The following FYB1 variants were observed in gnomAD, a reference collection of about 807,000 sequenced individuals.
The protein encoded by FYB1 is FYN binding protein 1, also known as FYN-binding protein 1.
Under a neutral mutation model 94.1 loss-of-function variants are expected in FYB1, and 41 were observed. The ratio of observed to expected loss-of-function variants is 0.44; its 90% CI spans 0.34 to 0.57. FYB1 has a LOEUF of 0.57. Among genes scored for constraint, FYB1 ranks in the 20% least tolerant of loss-of-function variants. The probability of loss-of-function intolerance (pLI) is 0.02; values close to 1 mark genes in which losing one functional copy is unlikely to be tolerated. For missense variants in FYB1, 1,050 were observed against 976.8 expected, an observed-to-expected ratio of 1.07 and a Z score of -1.00; for synonymous variants, 367 against 353.2, an observed-to-expected ratio of 1.04 and a Z score of -0.44.
chr5:39,174,502 A>C (rs1302549842), intron 2 of FYB1, among the ~76,000 whole-genome samples: 1 of 152,230 alleles, frequency 6.6e-6, no homozygotes, highest in Non-Finnish European at 1.5e-5. Flanking sequence ...TAACACATGG[A>C]ATAAGAATAT....
rs759899642 is a variant in FYB1, at chr5:39,126,061, TC to T, written c.1981del (p.Asp661ThrfsTer52). 3 of 1,613,570 alleles carry T rather than the reference TC, an allele frequency of 1.9e-6. No homozygotes were observed. Among genetic ancestry groups the T allele is most frequent in the Non-Finnish European group, 2.5e-6 (3 of 1,179,638 alleles). ...GILKMLKGKD[D>X]RKKSIREKPK... The stretch of plus-strand genomic sequence containing the variant: ...TTTCTCTCGTATACTTTTCTTTCTG[TC>T]ATCTTTTCCCTTTAACATCTTCAAA... On this transcript the variant is annotated frameshift_variant, in exon 12 of 19. Transcript: ENST00000512982. LOFTEE classifies it high-confidence loss of function.
intron 11 of FYB1, among the ~76,000 whole-genome samples, chr5:39,126,578 T>C (rs1341505824): frequency 6.6e-6 from 1 of 151,064 alleles, no homozygotes; most frequent in Non-Finnish European, 1.5e-5. Context: ...ACACCTGTGG[T>C]CCCAGCTGCT....
At chr5:39,191,871 A>G (rs1490513529) in intron 2 of FYB1, among the ~76,000 whole-genome samples, 1 of 152,224 alleles carries the variant, frequency 6.6e-6, no homozygotes, top group East Asian at 1.9e-4. Context: ...CTCATGAGGC[A>G]TAATTTTGTT....
intron 1 of FYB1, among the ~76,000 whole-genome samples, chr5:39,265,543 G>A (rs1752399256): frequency 6.6e-6 from 1 of 151,564 alleles, no homozygotes. Context: ...TGTAATCCCA[G>A]CTACTTAGGA....
At chr5:39,192,684 T>C (rs1747466896) in intron 2 of FYB1, among the ~76,000 whole-genome samples, 1 of 152,110 alleles carries the variant, frequency 6.6e-6, no homozygotes, top group Admixed American at 6.5e-5. Context: ...TAAAGCAGGG[T>C]GAGGATAACT....
chr5:39,219,464 G>T lies in FYB1; in HGVS notation c.-49C>A, dbSNP rs935498754. On this transcript the variant is annotated 5_prime_UTR_variant, in exon 1 of 19. Coordinates refer to ENST00000512982, the MANE Select transcript of FYB1 (RefSeq NM_001465.6). ...TTACCTGACTCCTGCAGAAGAAGGC[G>T]GAAGGATGGCCTCCTTTAGTGGATC... 2 of 985,408 alleles carry T rather than the reference G, an allele frequency of 2.0e-6. No individual in the cohort carries two copies. The highest frequency in any genetic ancestry group is 2.4e-6 in the Non-Finnish European group (2 of 829,958). The allele number at this position is 985,408 out of a possible 1,614,324, so 61.0% of individuals were successfully genotyped here. A position where few individuals can be genotyped will look rare whatever the true frequency, so the allele number is the denominator to read the frequency against.
intron 8 of FYB1, 86 bp downstream of exon 8, chr5:39,134,769 C>A: frequency 1.4e-6 from 2 of 1,409,074 alleles, no homozygotes; most frequent in Non-Finnish European, 2.0e-6. Context: ...TAACTCGATG[C>A]CTATGACGAG....
chr5:39,243,834 T>A (rs1334906523), intron 1 of FYB1, among the ~76,000 whole-genome samples: 2 of 152,172 alleles, frequency 1.3e-5, no homozygotes, highest in Non-Finnish European at 2.9e-5. Context: ...TGGTTTGTAG[T>A]TCTCCTTGAA....
chr5:39,133,210 C>CAA (rs1741359667), intron 9 of FYB1, among the ~76,000 whole-genome samples: 1 of 152,088 alleles, frequency 6.6e-6, no homozygotes, highest in Admixed American at 6.6e-5. Context: ...AGATTGTTTC[C>CAA]TTTGAAATTT....
At chr5:39,198,654 AGGCT>A (rs1748037508) in intron 2 of FYB1, among the ~76,000 whole-genome samples, 1 of 152,168 alleles carries the variant, frequency 6.6e-6, no homozygotes, top group South Asian at 2.1e-4. Flanking sequence ...ATTATAAAAT[AGGCT>A]TTGTGTGAGA....
At chr5:39,148,155 T>TTATATATATATATA (rs10528848) in intron 3 of FYB1, among the ~76,000 whole-genome samples, 19 of 37,638 alleles carry the variant, frequency 5.0e-4, no homozygotes, top group East Asian at 1.6e-3. Flanking sequence ...TATGTATTTT[T>TTATATATATATATA]TATATATATA....
intron 9 of FYB1, among the ~76,000 whole-genome samples, chr5:39,131,705 C>G (rs910199278): frequency 6.6e-6 from 1 of 152,076 alleles, no homozygotes; most frequent in Non-Finnish European, 1.5e-5. Flanking sequence ...CTGACTCTTC[C>G]CTCTGAGCAT....
At chr5:39,126,231 C>A (rs574397015) in intron 11 of FYB1, 96 bp from the exon 12 acceptor site, 2 of 1,282,900 alleles carry the variant, frequency 1.6e-6, no homozygotes, top group East Asian at 4.9e-5. Flanking sequence ...TTAATCATTA[C>A]GGCCACATTA....
At chr5:39,216,638 G>A (rs1749892837) in intron 1 of FYB1, among the ~76,000 whole-genome samples, 1 of 152,182 alleles carries the variant, frequency 6.6e-6, no homozygotes, top group Non-Finnish European at 1.5e-5. Context: ...ATATCCAACA[G>A]TCTATGTGGA....
At chr5:39,126,782 G>T (rs1014206466) in intron 11 of FYB1, among the ~76,000 whole-genome samples, 1 of 150,566 alleles carries the variant, frequency 6.6e-6, no homozygotes, top group Non-Finnish European at 1.5e-5. Flanking sequence ...TCTTAGGCCA[G>T]GCACAGTGGC....
chr5:39,163,701 C>G (rs548512084), intron 2 of FYB1, among the ~76,000 whole-genome samples: 1 of 152,046 alleles, frequency 6.6e-6, no homozygotes, highest in Non-Finnish European at 1.5e-5. Context: ...ATATTGCTGA[C>G]TTTTGGATCT....
At chr5:39,183,613 G>A (rs1161501984) in intron 2 of FYB1, among the ~76,000 whole-genome samples, 1 of 152,062 alleles carries the variant, frequency 6.6e-6, no homozygotes, top group African/African-American at 2.4e-5. Context: ...TGTTTTCCTT[G>A]ATATCTCTAT....
At chr5:39,195,077 G>C (rs964162995) in intron 2 of FYB1, among the ~76,000 whole-genome samples, 24 of 152,156 alleles carry the variant, frequency 1.6e-4, no homozygotes, top group African/African-American at 5.3e-4. Flanking sequence ...GTGTATGAGA[G>C]AGCTTTGCCT....
chr5:39,128,960 A>G (rs1207790167), intron 10 of FYB1, among the ~76,000 whole-genome samples: 1 of 152,132 alleles, frequency 6.6e-6, no homozygotes, highest in Non-Finnish European at 1.5e-5. Flanking sequence ...CATCTTTCAC[A>G]GAATAGGAAA....
Sources: allele counts gnomAD v4.1 joint callset (sites outside exome capture counted in the v4.1 genomes callset), GRCh38; gene constraint gnomAD v4.1.1; transcripts MANE v1.5; gene names NCBI Gene and HGNC (gene_info 2026-07-23, HGNC 2026-07-21).